ERBIN: variants seen among roughly 807,000 people sequenced by gnomAD.
ERBIN encodes erbb2 interacting protein, also known as densin-180-like protein.
ERBIN carries 60 observed loss-of-function variants against 158.4 expected under a neutral mutation model. That is an observed-to-expected ratio of 0.38 (90% CI 0.31 to 0.47). ERBIN has a LOEUF of 0.47. Ranked by LOEUF, ERBIN falls within the 20% of genes least tolerant of loss-of-function variation. The pLI, the probability that ERBIN is intolerant of heterozygous loss-of-function variation, is 0.99. For synonymous variants in ERBIN, 594 were observed against 557.2 expected (o/e 1.07, Z -0.93); for missense variants, 1,610 against 1,648.0 (o/e 0.98, Z 0.40).
chr5:65,992,621 C>A, intron 2 of ERBIN, 89 bp from the exon 3 acceptor site: 1 of 959,984 alleles, frequency 1.0e-6, no homozygotes, highest in Non-Finnish European at 1.5e-6. Flanking sequence ...TTATCTGTGA[C>A]ATATGAATTG....
At chr5:65,986,527 G>A (rs937242055) in intron 1 of ERBIN, among the ~76,000 whole-genome samples, 1 of 152,160 alleles carries the variant, frequency 6.6e-6, no homozygotes, top group Non-Finnish European at 1.5e-5. Flanking sequence ...TTGGCATAGC[G>A]ACAAATAGTT....
intron 18 of ERBIN, among the ~76,000 whole-genome samples, chr5:66,047,469 A>C (rs1240032855): frequency 6.6e-6 from 1 of 152,044 alleles, no homozygotes; most frequent in African/African-American, 2.4e-5. Flanking sequence ...ATATATTTTC[A>C]TGAATGAAAA....
At chr5:65,979,263 C>CA (rs888216678) in intron 1 of ERBIN, among the ~76,000 whole-genome samples, 9 of 135,870 alleles carry the variant, frequency 6.6e-5, no homozygotes, top group Non-Finnish European at 1.3e-4. Context: ...CCTGTCTCCA[C>CA]AAAAAATAAA....
chr5:65,929,396 C>G (rs962240595), intron 1 of ERBIN, among the ~76,000 whole-genome samples: 1 of 152,124 alleles, frequency 6.6e-6, no homozygotes, highest in Non-Finnish European at 1.5e-5. Flanking sequence ...TAGATTATGG[C>G]AGTACTTACA....
chr5:66,077,328 C>T (rs558744767), intron 25 of ERBIN, among the ~76,000 whole-genome samples: 1 of 152,158 alleles, frequency 6.6e-6, no homozygotes, highest in Non-Finnish European at 1.5e-5. Context: ...CTGTCCCCTC[C>T]TTTTCTTTGT....
Position 66,076,912 on chromosome 5 carries a change from C to G in ERBIN, c.4094C>G (p.Ala1365Gly). The change falls in exon 25 of 26, where the codon GCA becomes GGA. Residue 1365 changes from alanine (A) to glycine (G), a missense_variant. By Grantham distance (60) the Ala-to-Gly change is moderately conservative (BLOSUM62 0). Coordinates refer to ENST00000284037, the MANE Select transcript of ERBIN (RefSeq NM_001253697.2). The stretch of plus-strand genomic sequence containing the variant: ...ACAAGGGTACAACCTGAAGGACCAG[C>G]ATCAAAATTACTGCAGCCAGGTGAT... ...FVTRVQPEGPASKLLQPGDKI... is the reference protein window; with the variant it reads ...FVTRVQPEGPGSKLLQPGDKI... 2 of 1,609,102 alleles carry G rather than the reference C, an allele frequency of 1.2e-6. No homozygotes were observed. The highest frequency in any genetic ancestry group is 1.7e-6 in the Non-Finnish European group (2 of 1,177,360).
chr5:66,035,784 G>A (rs1206743061), intron 14 of ERBIN, among the ~76,000 whole-genome samples: 1 of 152,060 alleles, frequency 6.6e-6, no homozygotes, highest in Non-Finnish European at 1.5e-5. Context: ...TTTATTATAT[G>A]TGGCTACTAA....
At chr5:65,945,486 A>G (rs145021478) in intron 1 of ERBIN, among the ~76,000 whole-genome samples, 1,786 of 152,290 alleles carry the variant, frequency 0.012, 37 homozygotes, top group African/African-American at 0.041. Flanking sequence ...ATGGAGATCC[A>G]GGAGCTCCTT....
At chr5:65,997,787 A>G (rs1316172623) in intron 4 of ERBIN, among the ~76,000 whole-genome samples, 1 of 152,218 alleles carries the variant, frequency 6.6e-6, no homozygotes, top group Non-Finnish European at 1.5e-5. Context: ...TAATGATATG[A>G]GTATCCAGAA....
chr5:65,975,793 G>A (rs1346755614), intron 1 of ERBIN, among the ~76,000 whole-genome samples: 1 of 152,202 alleles, frequency 6.6e-6, no homozygotes, highest in Non-Finnish European at 1.5e-5. Context: ...AGAGAGAGAT[G>A]TGGTTTCAGG....
chr5:66,074,352 T>TACTTTATGAATAGG (rs200182714), intron 22 of ERBIN, among the ~76,000 whole-genome samples: 1,697 of 152,214 alleles, frequency 0.011, 25 homozygotes, highest in African/African-American at 0.038. Flanking sequence ...TTTTGCTGTT[T>TACTTTATGAATAGG]ACTTTATGAA....
rs56041538 is a variant in ERBIN at position 65,942,908 on chromosome 5, C to CA, written c.-58+16119dup. Among the ~76,000 whole-genome samples, 466 of 138,656 alleles carry CA rather than the reference C, an allele frequency of 3.4e-3. 6 individuals carry two copies. Among genetic ancestry groups the CA allele is most frequent in the African/African-American group, 8.1e-3 (308 of 37,904 alleles). The allele number at this position is 138,656 out of a possible 152,430, so 91.0% of individuals were successfully genotyped here. A position where few individuals can be genotyped will look rare whatever the true frequency, so the allele number is the denominator to read the frequency against. Reference sequence around the variant, plus strand: ...GGGTGACAGAGCGAGACTCCGTCTCCAAAAAAAAAAAAAAAAATAGACTTT... The same window carrying CA: ...GGGTGACAGAGCGAGACTCCGTCTCCAAAAAAAAAAAAAAAAAATAGACTTT... On this transcript the variant is annotated intron_variant, in intron 1 of 25. Coordinates refer to ENST00000284037, the MANE Select transcript of ERBIN (RefSeq NM_001253697.2).
intron 23 of ERBIN, among the ~76,000 whole-genome samples, chr5:66,075,696 A>C (rs1052894882): frequency 3.9e-5 from 6 of 152,208 alleles, no homozygotes; most frequent in African/African-American, 1.4e-4. Flanking sequence ...TAATATTAGA[A>C]AGGTAGAGAT....
chr5:65,983,281 T>C (rs1034766573), intron 1 of ERBIN, among the ~76,000 whole-genome samples: 3 of 152,322 alleles, frequency 2.0e-5, no homozygotes, highest in Middle Eastern at 3.4e-3. Flanking sequence ...GATCTAGCCA[T>C]CAACATCTTT....
In ERBIN at chr5:66,053,514, A is replaced by G. The variant is rs1759260195; in HGVS notation, c.2196A>G (p.Glu732=). ...AHDKKDFNLP[E]YDLNVEERLV... ...ATAAAAAAGATTTTAACTTACCTGA[A>G]TATGATTTGAATGTTGAAGAGCGAT... Residue 732 remains glutamate (E), a synonymous_variant, in exon 21 of 26, where the codon GAA becomes GAG. Transcript: ENST00000284037. The G allele has an allele frequency of 6.2e-7, 1 of 1,611,882 alleles. No homozygotes were observed. Among genetic ancestry groups the G allele is most frequent in the South Asian group, 1.1e-5 (1 of 90,738 alleles).
intron 4 of ERBIN, among the ~76,000 whole-genome samples, chr5:66,008,124 A>G (rs1312623847): frequency 5.3e-5 from 8 of 152,252 alleles, no homozygotes; most frequent in Non-Finnish European, 1.0e-4. Flanking sequence ...TATAAAAAGT[A>G]TGAAGTATTC....
At chr5:66,003,534 C>T (rs1410322823) in intron 4 of ERBIN, among the ~76,000 whole-genome samples, 2 of 152,144 alleles carry the variant, frequency 1.3e-5, no homozygotes, top group Non-Finnish European at 2.9e-5. Context: ...GTAAACAATA[C>T]ATCAGTCACT....
intron 7 of ERBIN, among the ~76,000 whole-genome samples, chr5:66,017,250 AT>A (rs1247913970): frequency 2.0e-5 from 3 of 151,610 alleles, no homozygotes; most frequent in African/African-American, 7.3e-5. Context: ...TCTATTTTTA[AT>A]TTTTTTTAGG....
intron 1 of ERBIN, among the ~76,000 whole-genome samples, chr5:65,964,947 ATTTTTTTTT>A (rs772634145): frequency 1.3e-5 from 1 of 75,676 alleles, no homozygotes; most frequent in Non-Finnish European, 2.4e-5. Context: ...TGTGTGTGTA[ATTTTTTTTT>A]TTTTTTTTTT....
Sources: gnomAD v4.1 joint callset for allele counts (sites outside exome capture counted in the v4.1 genomes callset) on GRCh38, gnomAD v4.1.1 for gene constraint, MANE v1.5 for transcripts, NCBI Gene and HGNC (gene_info 2026-07-23, HGNC 2026-07-21) for gene names.